ATAD2: variants seen among roughly 807,000 people sequenced by gnomAD.
ATAD2 encodes the protein ATPase family AAA domain-containing protein 2.
Under a neutral mutation model 168.9 loss-of-function variants are expected in ATAD2, and 62 were observed. The ratio of observed to expected loss-of-function variants is 0.37; its 90% CI spans 0.30 to 0.45. The LOEUF (loss-of-function observed/expected upper bound fraction) is 0.45, where lower values mean the gene tolerates loss of function less well. ATAD2 is among the 20% of genes least tolerant of loss of function. The pLI is 1.00. For missense variants in ATAD2, 1,419 were observed against 1,667.8 expected (o/e 0.85, Z 2.60); for synonymous variants, 613 against 571.6 (o/e 1.07, Z -1.03).
Position 123,328,303 on chromosome 8 carries a change from A to G in ATAD2, c.3755T>C (p.Leu1252Pro), listed in dbSNP as rs1416692472. ...TGCTGTAGTCTTCCTAGAGTCTTCAAGCTCATTCTCTATATTACAAGTATT... is the reference window on the plus strand; with the variant it reads ...TGCTGTAGTCTTCCTAGAGTCTTCAGGCTCATTCTCTATATTACAAGTATT... ...NSNTCNIENE[L>P]EDSRKTTACT... The change falls in exon 25 of 28, where the codon CTT (leucine) becomes CCT (proline). Residue 1252 changes from leucine to proline, a missense_variant. By Grantham distance (98) the Leu-to-Pro change is moderately conservative (BLOSUM62 -3). Around this residue, in one of 5 missense-constraint regions of ATAD2, gnomAD observed 303 missense variants for 304.3 expected, o/e 1.00. Coordinates refer to ENST00000287394, the MANE Select transcript of ATAD2 (RefSeq NM_014109.4). 3.1e-6 allele frequency: 5 copies of G among 1,604,564 alleles called. No homozygotes were observed. Among genetic ancestry groups the G allele is most frequent in the Non-Finnish European group, 4.2e-6 (5 of 1,176,686 alleles).
intron 13 of ATAD2, among the ~76,000 whole-genome samples, chr8:123,355,873 A>C (rs1402726779): frequency 6.6e-6 from 1 of 152,148 alleles, no homozygotes; most frequent in Non-Finnish European, 1.5e-5. Flanking sequence ...ATCTTCTGTA[A>C]CCAAGATTTT....
Position 123,321,137 on chromosome 8 carries a change from T to C in ATAD2, c.4170A>G (p.Arg1390=). ...EQEVENFSCS[R] ...AATACTCGATACCATGACATCATCA[T>C]CTGGAACAACTGAAGTTTTCTACCT... The change falls in exon 28 of 28, where the codon AGA becomes AGG. Residue 1390 remains arginine, a synonymous_variant. Transcript: ENST00000287394. 2 of 1,608,956 alleles carry C rather than the reference T, an allele frequency of 1.2e-6. No individual in the cohort carries two copies. Among genetic ancestry groups the C allele is most frequent in the Non-Finnish European group, 1.7e-6 (2 of 1,178,756 alleles).
At chr8:123,386,020 C>CAAA (rs58687997) in intron 1 of ATAD2, among the ~76,000 whole-genome samples, 1 of 81,092 alleles carries the variant, frequency 1.2e-5, no homozygotes. Flanking sequence ...TGGCTACTCA[C>CAAA]AAAAAAAAAA....
upstream of ATAD2, among the ~76,000 whole-genome samples, chr8:123,397,376 C>T (rs1360122979): frequency 6.6e-6 from 1 of 151,970 alleles, no homozygotes; most frequent in Non-Finnish European, 1.5e-5. Context: ...AAAGTAACTC[C>T]GATTGTAATA....
chr8:123,327,674 C>T (rs1827650494), intron 25 of ATAD2, among the ~76,000 whole-genome samples: 1 of 152,052 alleles, frequency 6.6e-6, no homozygotes, highest in Non-Finnish European at 1.5e-5. Flanking sequence ...CAAATGACAA[C>T]AATTCTAAAT....
intron 2 of ATAD2, among the ~76,000 whole-genome samples, chr8:123,380,173 T>C (rs1407755416): frequency 6.6e-6 from 1 of 151,994 alleles, no homozygotes; most frequent in African/African-American, 2.4e-5. Context: ...TGCCTCAGCC[T>C]CCCGAGTAGC....
intron 1 of ATAD2, among the ~76,000 whole-genome samples, chr8:123,403,091 G>A (rs2130023263): frequency 6.6e-6 from 1 of 152,134 alleles, no homozygotes; most frequent in South Asian, 2.1e-4. Flanking sequence ...AATAGAGAGG[G>A]GTTTTGTTGT....
Position 123,339,564 on chromosome 8 carries a change from T to C in ATAD2, c.2719-118A>G, listed in dbSNP as rs115051542. The C allele has an allele frequency of 1.5e-3, 1,385 of 928,074 alleles. 11 individuals are homozygous for C. In the African/African-American group the frequency reaches 0.021, roughly 14 times the overall value. The allele number at this position is 928,074 out of a possible 1,614,324, so 57.5% of individuals were successfully genotyped here. On this transcript the variant is annotated intron_variant, in intron 19 of 27. Transcript: ENST00000287394. ...GCATGAAAGTGACATGTATTCAGTA[T>C]GTCCCTCCACTTAACAATCGGGTTA...
chr8:123,357,917 T>C (rs1482484741), intron 11 of ATAD2, among the ~76,000 whole-genome samples, 181 bp from the exon 12 acceptor site: 1 of 152,236 alleles, frequency 6.6e-6, no homozygotes, highest in Admixed American at 6.5e-5. Context: ...ATACTGATAC[T>C]GTAAAATTAA....
At chr8:123,368,229 C>T (rs912187519) in intron 8 of ATAD2, among the ~76,000 whole-genome samples, 1 of 152,080 alleles carries the variant, frequency 6.6e-6, no homozygotes, top group African/African-American at 2.4e-5. Context: ...ACCAGCCTGG[C>T]CAACATGGTG....
At position 123,369,886 on chromosome 8, in the gene ATAD2, TCTTCTTCTC is replaced by T; in HGVS notation, c.857_865del (p.Gly286_Glu288del). On this transcript the variant is annotated inframe_deletion, in exon 7 of 28. Transcript: ENST00000287394. The stretch of plus-strand genomic sequence containing the variant: ...TCTAAGATAATATCGCTTCTGATTC[TCTTCTTCTC>T]CATCTTCTTCATCTTCATCATCTTC... 6.2e-7 allele frequency: 1 copy of T among 1,611,418 alleles called. No homozygotes were observed. Among genetic ancestry groups the T allele is most frequent in the Non-Finnish European group, 8.5e-7 (1 of 1,179,146 alleles).
chr8:123,371,351 GATATAA>G lies in ATAD2; in HGVS notation c.537-19_537-14del. 6.4e-7 allele frequency: 1 copy of G among 1,557,246 alleles called. No homozygotes were observed. The highest frequency in any genetic ancestry group is 8.7e-7 in the Non-Finnish European group (1 of 1,153,604). The stretch of plus-strand genomic sequence containing the variant: ...AGCTTCAGCAGTGCTTTAAAAAAAA[GATATAA>G]ATGTAAGTGAAAATTGTAAAAGAGT... On this transcript the variant is annotated splice_polypyrimidine_tract_variant and intron_variant, in intron 4 of 27. Coordinates refer to ENST00000287394, the MANE Select transcript of ATAD2 (RefSeq NM_014109.4).
chr8:123,385,458 T>C (rs915789816), intron 1 of ATAD2, among the ~76,000 whole-genome samples: 1 of 152,076 alleles, frequency 6.6e-6, no homozygotes, highest in African/African-American at 2.4e-5. Context: ...AATGTCAACA[T>C]CAAAAGATGA....
Position 123,380,549 on chromosome 8 carries a change from A to G in ATAD2, c.300T>C (p.Ala100=). 1 of 1,614,052 alleles carries G rather than the reference A, an allele frequency of 6.2e-7. No individual in the cohort carries two copies. The part of the protein sequence containing the change: ...EKNVEITEQL[A]NGRHFTRQLA... ...ATTACCTTGTAAAATGCCTGCCATT[A>G]GCAAGTTGCTCCGTTATTTCCACAT... is the stretch of plus-strand genomic sequence containing the variant. The change falls in exon 2 of 28, where the codon GCT becomes GCC. Residue 100 remains alanine (A), a synonymous_variant. Coordinates refer to ENST00000287394, the MANE Select transcript of ATAD2 (RefSeq NM_014109.4).
At chr8:123,401,493 G>C in intron 1 of ATAD2, 3 of 1,570,986 alleles carry the variant, frequency 1.9e-6, no homozygotes, top group Non-Finnish European at 2.6e-6. Flanking sequence ...GGTGACAGCA[G>C]CCCAGGCCAA....
chr8:123,323,407 G>C (rs1827527312), intron 26 of ATAD2, among the ~76,000 whole-genome samples: 1 of 152,186 alleles, frequency 6.6e-6, no homozygotes, highest in African/African-American at 2.4e-5. Context: ...TTTTATGATA[G>C]TATAAGTACA....
chr8:123,349,428 G>T lies in ATAD2; in HGVS notation c.1663C>A (p.Leu555Met). The T allele has an allele frequency of 6.2e-7, 1 of 1,613,844 alleles. No individual in the cohort carries two copies. Among genetic ancestry groups the T allele is most frequent in the African/African-American group, 1.3e-5 (1 of 75,004 alleles). Residue 555 changes from leucine to methionine, a missense_variant, in exon 14 of 28, where the codon CTG becomes ATG. Physicochemically the swap from Leu to Met is conservative, Grantham distance 15 (BLOSUM62 2). Around this residue, in one of 5 missense-constraint regions of ATAD2, gnomAD observed 545 missense variants for 724.9 expected, o/e 0.75. Transcript: ENST00000287394. The stretch of plus-strand genomic sequence containing the variant: ...TCCAATCCATCCATAAGAGCTAGCA[G>T]GGTGGAAACAATAGAACTAAATTTT... ...DQIHSSIVST[L>M]LALMDGLDSR...
chr8:123,356,148 T>C, intron 13 of ATAD2: 1 of 217,412 alleles, frequency 4.6e-6, no homozygotes, highest in Non-Finnish European at 9.1e-6. Context: ...CAGGCTGGTC[T>C]CAAACTCTTG....
chr8:123,379,884 A>ATTT (rs1268109846), intron 2 of ATAD2, among the ~76,000 whole-genome samples: 21 of 127,166 alleles, frequency 1.7e-4, no homozygotes, highest in Admixed American at 6.8e-4. Context: ...TATTATTATT[A>ATTT]TTATTATTTT....
Sources: allele counts gnomAD v4.1 joint callset (sites outside exome capture counted in the v4.1 genomes callset), GRCh38; gene constraint gnomAD v4.1.1; regional missense constraint gnomAD v4.1.1; transcripts MANE v1.5; gene names NCBI Gene and HGNC (gene_info 2026-07-23, HGNC 2026-07-21).